RBFOX3: variants seen among roughly 807,000 people sequenced by gnomAD.
The protein encoded by RBFOX3 is RNA binding fox-1 homolog 3, also known as RNA binding protein fox-1 homolog 3.
RBFOX3 carries 17 observed loss-of-function variants against 48.7 expected under a neutral mutation model. The ratio of observed to expected loss-of-function variants is 0.35; its 90% CI spans 0.24 to 0.52. RBFOX3 has a LOEUF of 0.52. Ranked by LOEUF, RBFOX3 falls within the 20% of genes least tolerant of loss-of-function variation. The pLI, the probability that RBFOX3 is intolerant of heterozygous loss-of-function variation, is 0.94. For synonymous variants in RBFOX3, 212 were observed against 209.5 expected (o/e 1.01, Z -0.10); for missense variants, 382 against 497.5 (o/e 0.77, Z 2.21).
chr17:79,292,610 A>G (rs2144944098), intron 3 of RBFOX3, among the ~76,000 whole-genome samples: 1 of 69,600 alleles, frequency 1.4e-5, no homozygotes, highest in African/African-American at 5.4e-5. Context: ...GCACACACAC[A>G]CACACATACA....
At chr17:79,628,397 T>A in the RBFOX3 span, among the ~76,000 whole-genome samples, 2 of 152,136 alleles carry the variant, frequency 1.3e-5, no homozygotes, top group African/African-American at 4.8e-5. Context: ...ATCTTAGGGC[T>A]AACACAGGAA....
rs112020917 is a variant in RBFOX3 at position 79,426,713 on chromosome 17, T to G, written c.-175+55741A>C. 2.8e-3 allele frequency among the ~76,000 whole-genome samples: 423 copies of G among 150,184 alleles called. 6 individuals are homozygous for G. The East Asian group carries it at 0.035, about 12-fold the overall frequency. On this transcript the variant is annotated intron_variant, in intron 2 of 14. Coordinates refer to ENST00000693108, the MANE Select transcript of RBFOX3 (RefSeq NM_001350451.2). ...GTGTTTTTTGTTTGTTTGTTTGTTT[T>G]TTTGCTTTGAGACAGAATTTCACTC...
chr17:79,218,684 G>A (rs1334774192), intron 4 of RBFOX3, among the ~76,000 whole-genome samples: 1 of 152,196 alleles, frequency 6.6e-6, no homozygotes, highest in South Asian at 2.1e-4. Context: ...GGAGGTCAGG[G>A]AACAGGGTTC....
At chr17:79,187,678 A>G (rs1015754955) in intron 4 of RBFOX3, among the ~76,000 whole-genome samples, 15 of 152,154 alleles carry the variant, frequency 9.9e-5, no homozygotes, top group Admixed American at 3.3e-4. Flanking sequence ...CACTCTGACC[A>G]GCTGGAGTCC....
chr17:79,156,723 C>G (rs906611604), intron 4 of RBFOX3, among the ~76,000 whole-genome samples: 1 of 152,216 alleles, frequency 6.6e-6, no homozygotes, highest in Non-Finnish European at 1.5e-5. Context: ...CTGTGTGGCC[C>G]GGAGAGACTA....
intron 3 of RBFOX3, among the ~76,000 whole-genome samples, chr17:79,302,505 C>T (rs1414191543): frequency 6.6e-6 from 1 of 152,122 alleles, no homozygotes; most frequent in African/African-American, 2.4e-5. Flanking sequence ...CATGGTGAAA[C>T]CCCTTCTCTA....
At chr17:79,372,996 C>T (rs2058755137) in intron 2 of RBFOX3, among the ~76,000 whole-genome samples, 1 of 152,182 alleles carries the variant, frequency 6.6e-6, no homozygotes, top group Non-Finnish European at 1.5e-5. Flanking sequence ...GAGCCCAGCC[C>T]AGGGTGGATG....
chr17:79,651,301 T>C, the RBFOX3 span, among the ~76,000 whole-genome samples: 3 of 152,200 alleles, frequency 2.0e-5, no homozygotes, highest in African/African-American at 7.2e-5. Context: ...ATCAGCTCGA[T>C]GCTGCAGGTC....
the RBFOX3 span, among the ~76,000 whole-genome samples, chr17:79,648,669 C>G: frequency 6.6e-6 from 1 of 152,212 alleles, no homozygotes; most frequent in Non-Finnish European, 1.5e-5. Context: ...TCCAAGGACA[C>G]CCCTCAGAGC....
the RBFOX3 span, among the ~76,000 whole-genome samples, chr17:79,631,158 G>T: frequency 6.6e-6 from 1 of 151,992 alleles, no homozygotes; most frequent in South Asian, 2.1e-4. Flanking sequence ...GGTGGGACTC[G>T]CATCAGGACG....
At chr17:79,167,255 C>T (rs994058929) in intron 4 of RBFOX3, among the ~76,000 whole-genome samples, 3 of 152,186 alleles carry the variant, frequency 2.0e-5, no homozygotes, top group Admixed American at 6.5e-5. Flanking sequence ...GTGCCAGGCT[C>T]GGGGAGTGCT....
chr17:79,166,889 G>C (rs914874677), intron 4 of RBFOX3, among the ~76,000 whole-genome samples: 1 of 152,208 alleles, frequency 6.6e-6, no homozygotes, highest in Non-Finnish European at 1.5e-5. Context: ...TTGCACACCT[G>C]CCAAAGAGTG....
chr17:79,372,325 C>T (rs2058673355), intron 2 of RBFOX3, among the ~76,000 whole-genome samples: 2 of 119,192 alleles, frequency 1.7e-5, no homozygotes, highest in Admixed American at 2.0e-4. Context: ...CTGTCAAATC[C>T]CCCCCATCCT....
intron 4 of RBFOX3, among the ~76,000 whole-genome samples, chr17:79,184,313 C>T (rs1165203204): frequency 6.6e-6 from 1 of 152,206 alleles, no homozygotes. Context: ...ACACGGGCAC[C>T]GGCCACAATG....
In RBFOX3 at chr17:79,480,851, C is replaced by T. The variant is rs2149479249; in HGVS notation, c.-175+1603G>A. On this transcript the variant is annotated intron_variant, in intron 2 of 14. Transcript: ENST00000693108. The surrounding 1 kb of genome is among the most constrained non-coding windows in gnomAD (Gnocchi z 4.8). ...ATCTTCACAGCGTTATGGCGCCTGACATACATTTATTCGCCATGTCCCTGC... is the reference window on the plus strand; with the variant it reads ...ATCTTCACAGCGTTATGGCGCCTGATATACATTTATTCGCCATGTCCCTGC... 2.6e-5 allele frequency among the ~76,000 whole-genome samples: 4 copies of T among 152,334 alleles called. No homozygotes were observed. Among genetic ancestry groups the T allele is most frequent in the African/African-American group, 9.6e-5 (4 of 41,558 alleles).
chr17:79,665,495 ACCCCTGGCCT>A, the RBFOX3 span, among the ~76,000 whole-genome samples: 1 of 150,798 alleles, frequency 6.6e-6, no homozygotes. Flanking sequence ...CTTGGGCAAG[ACCCCTGGCCT>A]CTCTTTGCCC....
rs1446930731 is a variant in RBFOX3, at chr17:79,482,687, CA to C, written c.-319-90del. The C allele has an allele frequency of 7.0e-4, 107 of 152,236 alleles. 1 individual carries two copies. Among genetic ancestry groups the C allele is most frequent in the African/African-American group, 2.4e-3 (99 of 41,522 alleles). The allele number at this position is 152,236 out of a possible 1,614,324, so 9.4% of individuals were successfully genotyped here. A position where few individuals can be genotyped will look rare whatever the true frequency, so the allele number is the denominator to read the frequency against. ...AAACAAACATTTGGTATTAATAAAC[CA>C]GGGAGGGGGCAGCTTCAAAGCCAAC... On this transcript the variant is annotated intron_variant, in intron 1 of 14. Coordinates refer to ENST00000693108, the MANE Select transcript of RBFOX3 (RefSeq NM_001350451.2). The surrounding 1 kb of genome is among the most constrained non-coding windows in gnomAD (Gnocchi z 4.1).
intron 2 of RBFOX3, among the ~76,000 whole-genome samples, chr17:79,463,379 G>A (rs370287236): frequency 2.7e-5 from 3 of 113,152 alleles, no homozygotes; most frequent in Admixed American, 9.1e-5. Flanking sequence ...CAGTGCCACC[G>A]CCACCTCCAC....
chr17:79,159,108 T>A (rs1226479854), intron 4 of RBFOX3, among the ~76,000 whole-genome samples: 1 of 152,078 alleles, frequency 6.6e-6, no homozygotes, highest in Non-Finnish European at 1.5e-5. Flanking sequence ...CAAGAGGGCA[T>A]CTCTGTGGCA....
Sources: allele counts gnomAD v4.1 joint callset (sites outside exome capture counted in the v4.1 genomes callset), GRCh38; gene constraint gnomAD v4.1.1; non-coding constraint Gnocchi (gnomAD v3.1); transcripts MANE v1.5; gene names NCBI Gene and HGNC (gene_info 2026-07-23, HGNC 2026-07-21).